JAK1: variants seen among roughly 807,000 people sequenced by gnomAD.
JAK1 encodes the protein Janus kinase 1, also known as tyrosine-protein kinase JAK1.
JAK1 carries 16 observed loss-of-function variants against 136.6 expected under a neutral mutation model. The ratio of observed to expected loss-of-function variants is 0.12; its 90% CI spans 0.08 to 0.18. The LOEUF (loss-of-function observed/expected upper bound fraction) is 0.18. Ranked by LOEUF, JAK1 falls within the 10% of genes least tolerant of loss-of-function variation. The pLI is 1.00. For synonymous variants in JAK1, 492 were observed against 519.5 expected (o/e 0.95, Z 0.72); for missense variants, 859 against 1,450.1 (o/e 0.59, Z 6.62).
intron 5 of JAK1, among the ~76,000 whole-genome samples, chr1:64,869,938 C>T (rs1399934560): frequency 1.3e-5 from 2 of 152,106 alleles, no homozygotes; most frequent in South Asian, 2.1e-4. Flanking sequence ...GGGAACGTTC[C>T]GCAGTGCATC....
At chr1:64,963,920 T>A (rs1646328925) in intron 1 of JAK1, among the ~76,000 whole-genome samples, 1 of 152,176 alleles carries the variant, frequency 6.6e-6, no homozygotes, top group Admixed American at 6.5e-5. Flanking sequence ...ACTAGATGCC[T>A]ACCAGTAGCA....
intron 5 of JAK1, among the ~76,000 whole-genome samples, chr1:64,870,157 T>G (rs757171189): frequency 6.6e-6 from 1 of 152,168 alleles, no homozygotes; most frequent in Non-Finnish European, 1.5e-5. Context: ...CGGCTCCCAC[T>G]GATTAAACCC....
chr1:64,889,383 G>A (rs1472034486), intron 1 of JAK1, among the ~76,000 whole-genome samples: 1 of 152,182 alleles, frequency 6.6e-6, no homozygotes, highest in African/African-American at 2.4e-5. Flanking sequence ...GGTTTTTGGT[G>A]ATAGCAGTGA....
At chr1:65,056,995 A>G (rs2100877441) in intron 1 of JAK1, among the ~76,000 whole-genome samples, 1 of 149,984 alleles carries the variant, frequency 6.7e-6, no homozygotes, top group Admixed American at 6.7e-5. Context: ...TGTGGTAGGT[A>G]GGTTCAAATT....
At chr1:64,905,905 G>A (rs1011976171) in intron 1 of JAK1, among the ~76,000 whole-genome samples, 1 of 152,054 alleles carries the variant, frequency 6.6e-6, no homozygotes, top group Non-Finnish European at 1.5e-5. Context: ...TCCAAATGTC[G>A]GTGGCCCAAG....
At chr1:64,955,880 G>A (rs932924837) in intron 1 of JAK1, among the ~76,000 whole-genome samples, 3 of 152,230 alleles carry the variant, frequency 2.0e-5, no homozygotes, top group African/African-American at 4.8e-5. Flanking sequence ...AAAAGCAAAG[G>A]GAGAGATCAG....
At chr1:65,029,159 T>C (rs994968659) in intron 2 of JAK1, among the ~76,000 whole-genome samples, 2 of 152,116 alleles carry the variant, frequency 1.3e-5, no homozygotes, top group African/African-American at 4.8e-5. Context: ...GGCAGTGGCA[T>C]GATCATAGCT....
At chr1:64,855,434 A>G in intron 11 of JAK1, 75 bp downstream of exon 11, 1 of 1,381,346 alleles carries the variant, frequency 7.2e-7, no homozygotes, top group Non-Finnish European at 9.9e-7. Context: ...TAAGTCAGTC[A>G]GCGTGTTTTG....
chr1:64,890,593 A>G lies in JAK1; in HGVS notation c.-77-4252T>C, dbSNP rs77576182. Among the ~76,000 whole-genome samples, 14 of 152,334 alleles carry G rather than the reference A, an allele frequency of 9.2e-5. No individual in the cohort carries two copies. In the East Asian group the frequency reaches 2.5e-3, roughly 27 times the overall value. ...CAGGAGTTTGAGTCCAGCCTGGGCA[A>G]TATGGCAAGATGTTGTCTCTTTTTA... On this transcript the variant is annotated intron_variant, in intron 1 of 24. Coordinates refer to ENST00000342505, the MANE Select transcript of JAK1 (RefSeq NM_002227.4).
chr1:64,962,127 C>T (rs994376280), intron 1 of JAK1, among the ~76,000 whole-genome samples: 37 of 152,162 alleles, frequency 2.4e-4, no homozygotes, highest in African/African-American at 8.7e-4. Flanking sequence ...TGAACATGCC[C>T]TCAGGGTCTT....
intron 2 of JAK1, among the ~76,000 whole-genome samples, chr1:65,010,174 G>A (rs1208666237): frequency 6.6e-6 from 1 of 152,160 alleles, no homozygotes. Context: ...CCTTGGGTAT[G>A]GACTGGATTT....
chr1:64,913,858 C>T (rs533081784), intron 1 of JAK1, among the ~76,000 whole-genome samples: 1 of 152,284 alleles, frequency 6.6e-6, no homozygotes, highest in African/African-American at 2.4e-5. Flanking sequence ...TATTAAATAA[C>T]AGAAATAGGT....
chr1:64,874,408 C>G (rs1329122167), intron 4 of JAK1, among the ~76,000 whole-genome samples: 1 of 151,438 alleles, frequency 6.6e-6, no homozygotes, highest in Admixed American at 6.6e-5. Context: ...ATCATGAATA[C>G]ATAAGATATA....
chr1:65,055,943 A>G (rs6696692), intron 1 of JAK1, among the ~76,000 whole-genome samples: 103,428 of 152,080 alleles, frequency 0.68, 36,104 homozygotes, highest in Non-Finnish European at 0.76. Flanking sequence ...ATGAATTTTT[A>G]TAAAACTAGT....
intron 2 of JAK1, among the ~76,000 whole-genome samples, chr1:65,032,522 C>G (rs77662220): frequency 6.6e-6 from 1 of 151,362 alleles, no homozygotes; most frequent in African/African-American, 2.4e-5. Flanking sequence ...ACAACAACAA[C>G]AAAAAAAACA....
intron 11 of JAK1, among the ~76,000 whole-genome samples, chr1:64,853,825 C>G (rs572856901): frequency 6.6e-6 from 1 of 152,320 alleles, no homozygotes; most frequent in Admixed American, 6.5e-5. Flanking sequence ...ACTGTCCTCC[C>G]CACGAGCCCA....
intron 22 of JAK1, among the ~76,000 whole-genome samples, chr1:64,836,535 T>C (rs1654491103): frequency 6.6e-6 from 1 of 152,146 alleles, no homozygotes; most frequent in Non-Finnish European, 1.5e-5. Context: ...CAGGTCTGAT[T>C]TGCCTGCAGG....
chr1:64,863,235 G>T (rs1656470064), intron 8 of JAK1, among the ~76,000 whole-genome samples: 1 of 147,478 alleles, frequency 6.8e-6, no homozygotes, highest in Non-Finnish European at 1.5e-5. Context: ...TATCCAGGAT[G>T]CAGCATATGA....
At chr1:65,029,752 A>G (rs2100811128) in intron 2 of JAK1, among the ~76,000 whole-genome samples, 1 of 152,298 alleles carries the variant, frequency 6.6e-6, no homozygotes, top group South Asian at 2.1e-4. Context: ...AGTGTGAGCT[A>G]AATGATGAGA....
Sources: allele counts gnomAD v4.1 joint callset (sites outside exome capture counted in the v4.1 genomes callset), GRCh38; gene constraint gnomAD v4.1.1; transcripts MANE v1.5; gene names NCBI Gene and HGNC (gene_info 2026-07-23, HGNC 2026-07-21).